KCMF1: variants seen among roughly 807,000 people sequenced by gnomAD.
KCMF1 encodes E3 ubiquitin-protein ligase KCMF1.
A neutral mutation model predicts 41.1 loss-of-function variants in KCMF1; 3 were observed. The ratio of observed to expected loss-of-function variants is 0.07; its 90% CI spans 0.03 to 0.19. KCMF1 has a LOEUF of 0.19. Ranked by LOEUF, KCMF1 falls within the 10% of genes least tolerant of loss-of-function variation. The pLI is 1.00. For synonymous variants in KCMF1, 142 were observed against 164.5 expected, an observed-to-expected ratio of 0.86 and a Z score of 1.04; for missense variants, 286 against 488.9, an observed-to-expected ratio of 0.58 and a Z score of 3.91.
chr2:84,994,961 C>A (rs997138693), intron 1 of KCMF1, among the ~76,000 whole-genome samples: 5 of 152,082 alleles, frequency 3.3e-5, no homozygotes, highest in Non-Finnish European at 5.9e-5. Context: ...ACATTCTTTT[C>A]ATCGCCTGTA....
intron 2 of KCMF1, among the ~76,000 whole-genome samples, chr2:85,029,486 C>T (rs965167137): frequency 6.6e-6 from 1 of 151,608 alleles, no homozygotes; most frequent in Non-Finnish European, 1.5e-5. Context: ...GTAGCCCTAG[C>T]TACTTGGGAG....
chr2:85,003,644 G>A (rs959037878), intron 1 of KCMF1, among the ~76,000 whole-genome samples: 9 of 151,430 alleles, frequency 5.9e-5, no homozygotes, highest in South Asian at 2.1e-4. Context: ...AATAGAAACC[G>A]GGTCTCCCGA....
intron 1 of KCMF1, among the ~76,000 whole-genome samples, chr2:84,985,253 G>A (rs919248240): frequency 6.6e-6 from 1 of 152,160 alleles, no homozygotes; most frequent in African/African-American, 2.4e-5. Context: ...TGTAGGCTGT[G>A]TTGAGGACTG....
intron 1 of KCMF1, among the ~76,000 whole-genome samples, chr2:85,013,191 T>G (rs780132591): frequency 3.9e-5 from 6 of 152,184 alleles, no homozygotes; most frequent in Non-Finnish European, 8.8e-5. Flanking sequence ...ATTCCCCATT[T>G]AGGCTCTAAG....
intron 3 of KCMF1, among the ~76,000 whole-genome samples, chr2:85,039,142 C>T (rs1229341811): frequency 6.6e-6 from 1 of 152,186 alleles, no homozygotes; most frequent in Non-Finnish European, 1.5e-5. Context: ...TGATTTGGTA[C>T]TCAGTAAGTG....
In KCMF1 at chr2:85,058,512, C is replaced by CTG. The variant is rs1675993018; in HGVS notation, c.*5107_*5108dup. 1 of 152,278 alleles carries CTG rather than the reference C, an allele frequency of 6.6e-6. No homozygotes were observed. Among genetic ancestry groups the CTG allele is most frequent in the Admixed American group, 6.5e-5 (1 of 15,294 alleles). 9.4% of individuals were successfully genotyped at this position (152,278 alleles called of 1,614,324 possible). Reference sequence around the variant, plus strand: ...TAACCACAGGGAACCTAGCATCTGACTGTGTCCTTGGCAGACAGTGCATGT... The same window carrying CTG: ...TAACCACAGGGAACCTAGCATCTGACTGTGTGTCCTTGGCAGACAGTGCATGT... On this transcript the variant is annotated 3_prime_UTR_variant, in exon 7 of 7. Coordinates refer to ENST00000409785, the MANE Select transcript of KCMF1 (RefSeq NM_020122.5).
At chr2:84,978,901 A>G (rs1673625798) in intron 1 of KCMF1, among the ~76,000 whole-genome samples, 1 of 151,792 alleles carries the variant, frequency 6.6e-6, no homozygotes, top group Non-Finnish European at 1.5e-5. Context: ...TTTTATAGAG[A>G]CAGGGTTTGT....
At chr2:85,025,672 A>ATG in intron 1 of KCMF1, among the ~76,000 whole-genome samples, 1 of 150,544 alleles carries the variant, frequency 6.6e-6, no homozygotes, top group East Asian at 2.0e-4. Flanking sequence ...GCAGTGGCGC[A>ATG]ACCTCAGCTT....
chr2:85,029,990 A>G (rs879320665), intron 2 of KCMF1, among the ~76,000 whole-genome samples: 13 of 152,012 alleles, frequency 8.6e-5, no homozygotes, highest in African/African-American at 1.2e-4. Flanking sequence ...GCTTCGTGCT[A>G]TAATTTCTTA....
At chr2:84,983,158 A>G (rs1361610616) in intron 1 of KCMF1, among the ~76,000 whole-genome samples, 1 of 152,230 alleles carries the variant, frequency 6.6e-6, no homozygotes, top group Non-Finnish European at 1.5e-5. Context: ...TCCAATAGAA[A>G]TCTAATGTAA....
intron 1 of KCMF1, among the ~76,000 whole-genome samples, chr2:84,988,250 G>T (rs1673951249): frequency 6.6e-6 from 1 of 151,928 alleles, no homozygotes; most frequent in Non-Finnish European, 1.5e-5. Context: ...AAAAAAGTAG[G>T]CTTCTTGGGA....
intron 1 of KCMF1, among the ~76,000 whole-genome samples, chr2:85,004,285 G>GGAGGC (rs1674409741): frequency 6.6e-6 from 1 of 152,134 alleles, no homozygotes; most frequent in Admixed American, 6.5e-5. Context: ...GCCAAGGCGG[G>GGAGGC]CAGATCACGA....
chr2:85,004,366 G>A (rs1450846251), intron 1 of KCMF1, among the ~76,000 whole-genome samples: 2 of 152,002 alleles, frequency 1.3e-5, no homozygotes, highest in Admixed American at 1.3e-4. Context: ...AAAAAATTAG[G>A]CAGGCATGGT....
At chr2:85,015,217 C>G (rs1331593126) in intron 1 of KCMF1, among the ~76,000 whole-genome samples, 1 of 149,500 alleles carries the variant, frequency 6.7e-6, no homozygotes, top group Non-Finnish European at 1.5e-5. Context: ...GCTTTCCCTT[C>G]TCTCTTTTTG....
At chr2:85,029,189 C>T (rs1436075967) in intron 2 of KCMF1, among the ~76,000 whole-genome samples, 2 of 146,346 alleles carry the variant, frequency 1.4e-5, no homozygotes, top group Non-Finnish European at 3.0e-5. Context: ...CCAGGCTGGT[C>T]TTGACCTCAA....
chr2:85,022,923 C>G (rs1282753509), intron 1 of KCMF1, among the ~76,000 whole-genome samples: 2 of 129,286 alleles, frequency 1.5e-5, no homozygotes, highest in South Asian at 2.4e-4. Context: ...GAGTCTCGCT[C>G]TGTTGCCCAG....
rs1250814980 is a variant in KCMF1 at position 85,059,346 on chromosome 2, A to G, written c.*5937A>G. On this transcript the variant is annotated 3_prime_UTR_variant, in exon 7 of 7. Transcript: ENST00000409785. ...CTGACGATACAGTACTTTAGAATAAATTGCATATTGTATCAGGCTCCGAGA... is the reference window on the plus strand; with the variant it reads ...CTGACGATACAGTACTTTAGAATAAGTTGCATATTGTATCAGGCTCCGAGA... 1 of 152,226 alleles carries G rather than the reference A, an allele frequency of 6.6e-6. No homozygotes were observed. The highest frequency in any genetic ancestry group is 2.4e-5 in the African/African-American group (1 of 41,464). The allele number at this position is 152,226 out of a possible 1,614,324, so 9.4% of individuals were successfully genotyped here.
chr2:84,996,522 G>A (rs867330789), intron 1 of KCMF1, among the ~76,000 whole-genome samples: 13 of 140,998 alleles, frequency 9.2e-5, no homozygotes, highest in African/African-American at 3.2e-4. Context: ...TGGAACCTCC[G>A]CCTCCTGGGT....
chr2:84,992,781 C>A (rs978577175), intron 1 of KCMF1, among the ~76,000 whole-genome samples: 6 of 152,128 alleles, frequency 3.9e-5, no homozygotes, highest in African/African-American at 1.2e-4. Flanking sequence ...AGGCGCCCAC[C>A]ACCATGCCTG....
Sources: allele counts gnomAD v4.1 joint callset (sites outside exome capture counted in the v4.1 genomes callset), GRCh38; gene constraint gnomAD v4.1.1; transcripts MANE v1.5; gene names NCBI Gene and HGNC (gene_info 2026-07-23, HGNC 2026-07-21).